Variants in MAF observed in about 807,000 individuals in gnomAD.
MAF encodes MAF bZIP transcription factor.
MAF carries 10 observed loss-of-function variants against 22.0 expected under a neutral mutation model. That is an observed-to-expected ratio of 0.45 (90% CI 0.28 to 0.77). The LOEUF (loss-of-function observed/expected upper bound fraction) is 0.77. Among genes scored for constraint, MAF ranks in the 30% least tolerant of loss-of-function variants. The pLI, the probability that MAF is intolerant of heterozygous loss-of-function variation, is 0.12. For missense variants in MAF, 544 were observed against 548.4 expected, an observed-to-expected ratio of 0.99 and a Z score of 0.08; for synonymous variants, 337 against 255.8, an observed-to-expected ratio of 1.32 and a Z score of -3.03.
the MAF span, among the ~76,000 whole-genome samples, chr16:79,472,087 T>C: frequency 6.6e-6 from 1 of 152,168 alleles, no homozygotes. Flanking sequence ...TGCTCTGGAA[T>C]GGTTTACAAG....
the MAF span, among the ~76,000 whole-genome samples, chr16:79,211,196 C>T: frequency 2.2e-4 from 34 of 152,234 alleles, no homozygotes; most frequent in African/African-American, 8.2e-4. Context: ...GTTTGTCAGA[C>T]AGAAGGTTCT....
chr16:79,207,960 T>G, the MAF span, among the ~76,000 whole-genome samples: 5 of 152,196 alleles, frequency 3.3e-5, no homozygotes, highest in Non-Finnish European at 7.3e-5. Flanking sequence ...ACACCGAGTT[T>G]TGGAAGGATG....
At chr16:79,366,845 T>C in the MAF span, among the ~76,000 whole-genome samples, 2 of 152,346 alleles carry the variant, frequency 1.3e-5, no homozygotes, top group South Asian at 2.1e-4. Context: ...TGTTGCAGCA[T>C]AGCCTGGCTC....
At chr16:79,363,077 G>A in the MAF span, among the ~76,000 whole-genome samples, 1 of 152,106 alleles carries the variant, frequency 6.6e-6, no homozygotes, top group African/African-American at 2.4e-5. Context: ...CCCTAAAAGG[G>A]GGGGAACATG....
the MAF span, among the ~76,000 whole-genome samples, chr16:79,421,241 G>A: frequency 1.8e-4 from 27 of 152,180 alleles, no homozygotes; most frequent in African/African-American, 4.8e-4. Flanking sequence ...GTCTCAGAAC[G>A]TATTCCCTTG....
chr16:79,230,379 G>C, the MAF span, among the ~76,000 whole-genome samples: 2 of 152,134 alleles, frequency 1.3e-5, no homozygotes, highest in Non-Finnish European at 2.9e-5. Context: ...CTGAGGCTCG[G>C]AGAGTCACCA....
the MAF span, among the ~76,000 whole-genome samples, chr16:79,208,065 C>T: frequency 2.4e-3 from 362 of 152,290 alleles, no homozygotes; most frequent in African/African-American, 7.7e-3. Context: ...GCAAATCTGA[C>T]AGATGATTTT....
the MAF span, among the ~76,000 whole-genome samples, chr16:79,542,561 G>A: frequency 6.6e-6 from 1 of 152,168 alleles, no homozygotes; most frequent in Non-Finnish European, 1.5e-5. Context: ...AAGAAAGAGG[G>A]AACTGCTCTT....
chr16:79,373,605 A>G, the MAF span, among the ~76,000 whole-genome samples: 2 of 150,326 alleles, frequency 1.3e-5, no homozygotes, highest in South Asian at 2.1e-4. Flanking sequence ...CTGGTCTCAA[A>G]CTCTTGACCT....
chr16:79,215,061 C>A, the MAF span, among the ~76,000 whole-genome samples: 1 of 152,056 alleles, frequency 6.6e-6, no homozygotes, highest in South Asian at 2.1e-4. Context: ...ACCCCTTCTC[C>A]CCATTTTACT....
the MAF span, among the ~76,000 whole-genome samples, chr16:79,256,916 C>T: frequency 9.8e-5 from 15 of 152,300 alleles, no homozygotes; most frequent in African/African-American, 2.4e-4. Flanking sequence ...CGGTGGCTCA[C>T]GCCTGTAATC....
At chr16:79,516,693 G>C in the MAF span, among the ~76,000 whole-genome samples, 3 of 152,168 alleles carry the variant, frequency 2.0e-5, no homozygotes, top group African/African-American at 7.2e-5. Context: ...TTACCATTTG[G>C]TAAATGAGAA....
chr16:79,324,089 G>C, the MAF span, among the ~76,000 whole-genome samples: 1 of 152,138 alleles, frequency 6.6e-6, no homozygotes, highest in African/African-American at 2.4e-5. Context: ...GTAAAGGTTA[G>C]CTTATGTTAT....
At chr16:79,354,990 G>C in the MAF span, among the ~76,000 whole-genome samples, 5 of 152,092 alleles carry the variant, frequency 3.3e-5, no homozygotes, top group Admixed American at 6.6e-5. Context: ...ACCTGTTTGG[G>C]AGACAGTCAG....
At chr16:79,282,025 G>A in the MAF span, among the ~76,000 whole-genome samples, 12 of 152,132 alleles carry the variant, frequency 7.9e-5, no homozygotes, top group African/African-American at 1.2e-4. Flanking sequence ...AAAAAAGGCC[G>A]GGTGCAGTGG....
chr16:79,436,905 TCTTGGG>T, the MAF span, among the ~76,000 whole-genome samples: 15 of 152,326 alleles, frequency 9.8e-5, no homozygotes, highest in African/African-American at 3.4e-4. Flanking sequence ...CTTTTGACTG[TCTTGGG>T]CAAAGTCTCC....
chr16:79,339,795 C>G, the MAF span, among the ~76,000 whole-genome samples: 3 of 152,166 alleles, frequency 2.0e-5, no homozygotes, highest in South Asian at 6.2e-4. Context: ...TTTCACCAGT[C>G]TTTAAAAGAA....
At chr16:79,224,493 T>C in the MAF span, among the ~76,000 whole-genome samples, 4 of 152,302 alleles carry the variant, frequency 2.6e-5, no homozygotes, top group East Asian at 5.8e-4. Context: ...CCACATAGTA[T>C]TGGAAGTTCT....
chr16:79,437,569 T>G, the MAF span, among the ~76,000 whole-genome samples: 2 of 152,040 alleles, frequency 1.3e-5, no homozygotes, highest in Non-Finnish European at 2.9e-5. Flanking sequence ...ATTCCACCCA[T>G]GTAGTCCCCC....
Sources: allele counts gnomAD v4.1 joint callset (sites outside exome capture counted in the v4.1 genomes callset), GRCh38; gene constraint gnomAD v4.1.1; transcripts MANE v1.5; gene names NCBI Gene and HGNC (gene_info 2026-07-23, HGNC 2026-07-21).